LIMS2: variants seen among roughly 807,000 people sequenced by gnomAD.
The protein encoded by LIMS2 is LIM and senescent cell antigen-like-containing domain protein 2.
In LIMS2, 30 loss-of-function variants were observed where a neutral mutation model predicts 45.3. The observed-to-expected ratio is 0.66, with a 90% CI of 0.50 to 0.90. LIMS2 has a LOEUF of 0.90. LIMS2 is among the 40% of genes least tolerant of loss of function. The probability of loss-of-function intolerance (pLI) is 0.00; values close to 1 mark genes in which losing one functional copy is unlikely to be tolerated. For synonymous variants in LIMS2, 173 were observed against 188.0 expected, an observed-to-expected ratio of 0.92 and a Z score of 0.65; for missense variants, 485 against 468.7, an observed-to-expected ratio of 1.03 and a Z score of -0.32.
In LIMS2 at chr2:127,639,001, T is replaced by G; in HGVS notation, c.*280A>C. 2.3e-6 allele frequency: 1 copy of G among 437,554 alleles called. No individual in the cohort carries two copies. Among genetic ancestry groups the G allele is most frequent in the Non-Finnish European group, 4.1e-6 (1 of 241,992 alleles). 27.1% of individuals were successfully genotyped at this position (437,554 alleles called of 1,614,324 possible). A position where few individuals can be genotyped will look rare whatever the true frequency, so the allele number is the denominator to read the frequency against. ...ATTTGCTCCTGTCCCTGGAGGTCTG[T>G]GGGCGGAAGCTGTGGGCACAGGTGG... On this transcript the variant is annotated 3_prime_UTR_variant, in exon 10 of 10. Transcript: ENST00000355119.
upstream of LIMS2, among the ~76,000 whole-genome samples, chr2:127,679,103 G>A (rs781647093): frequency 7.2e-5 from 11 of 152,090 alleles, no homozygotes; most frequent in East Asian, 7.7e-4. This position sits in a 1 kb window ranked among gnomAD's most constrained non-coding sequence, Gnocchi z 5.3. Flanking sequence ...ACACTGCTGC[G>A]TGCAGAGGCC....
At chr2:127,662,340 T>C (rs1684723971) in intron 1 of LIMS2, among the ~76,000 whole-genome samples, 1 of 152,042 alleles carries the variant, frequency 6.6e-6, no homozygotes, top group Non-Finnish European at 1.5e-5. Flanking sequence ...TAGGCACTAT[T>C]CCAGATGCAG....
Position 127,639,343 on chromosome 2 carries a change from T to A in LIMS2, c.964A>T (p.Lys322Ter), listed in dbSNP as rs775673470. 1.1e-5 allele frequency: 18 copies of A among 1,613,920 alleles called. No homozygotes were observed. Among genetic ancestry groups the A allele is most frequent in the South Asian group, 4.4e-5 (4 of 91,086 alleles). ...FPLELKKRLK[K>*]LSELTSRKAQ... is the part of the protein sequence containing the mutation. ...TTGCGGGAGGTCAGCTCCGACAGCT[T>A]CTTCAGCCGCTTCTTCAGCTCCAGC... The change falls in exon 10 of 10, where the codon AAG becomes TAG. Residue 322 changes from lysine (K) to a stop codon, truncating the protein, a stop_gained. Transcript: ENST00000355119. LOFTEE classifies it high-confidence loss of function.
chr2:127,674,055 G>A lies in LIMS2; in HGVS notation c.11+959C>T, dbSNP rs988007857. 3 of 375,896 alleles carry A rather than the reference G, an allele frequency of 8.0e-6. No homozygotes were observed. The Admixed American group carries it at 1.1e-4, about 14-fold the overall frequency. The allele number at this position is 375,896 out of a possible 1,614,324, so 23.3% of individuals were successfully genotyped here. On this transcript the variant is annotated intron_variant, in intron 1 of 9. Coordinates refer to ENST00000355119, the MANE Select transcript of LIMS2 (RefSeq NM_001161403.3). ...GTTCCTGGGCTGCCCTGAGACCCCA[G>A]GCCACAGCCTTAATGGCGATCACAG...
Position 127,650,128 on chromosome 2 carries a change from T to C in LIMS2, c.359+4296A>G, listed in dbSNP as rs574108799. 5 of 1,499,966 alleles carry C rather than the reference T, an allele frequency of 3.3e-6. No homozygotes were observed. In the South Asian group the frequency reaches 3.5e-5, roughly 11 times the overall value. The allele number at this position is 1,499,966 out of a possible 1,614,324, so 92.9% of individuals were successfully genotyped here. A position where few individuals can be genotyped will look rare whatever the true frequency, so the allele number is the denominator to read the frequency against. ...TCCCAGGGTACAGCCCTTGCTGCCA[T>C]CCTGGGGGCACCCTCCTAAGTGCCA... On this transcript the variant is annotated intron_variant, in intron 4 of 9. Transcript: ENST00000355119.
intron 1 of LIMS2, among the ~76,000 whole-genome samples, chr2:127,673,082 G>A (rs1364668141): frequency 2.6e-5 from 4 of 152,184 alleles, no homozygotes; most frequent in African/African-American, 9.7e-5. Context: ...AGACTGGCCC[G>A]GCCCAATCCC....
intron 4 of LIMS2, among the ~76,000 whole-genome samples, chr2:127,649,355 G>C (rs2105260897): frequency 6.6e-6 from 1 of 152,336 alleles, no homozygotes; most frequent in South Asian, 2.1e-4. Context: ...GGCACAGGCA[G>C]GATGCCAGCT....
chr2:127,654,659 C>G, intron 3 of LIMS2, 115 bp from the exon 4 acceptor site: 1 of 1,538,728 alleles, frequency 6.5e-7, no homozygotes, highest in Non-Finnish European at 8.9e-7. Flanking sequence ...CCATGGGCTC[C>G]CTCGTGGGAT....
rs141178710 is a variant in LIMS2, at chr2:127,651,291, C to T, written c.359+3133G>A. ...CACGGTGGTCTGCCTGCAGCTGTAC[C>T]GGGAGAAGGCCTCCCACCATGCCCT... On this transcript the variant is annotated intron_variant, in intron 4 of 9. Transcript: ENST00000355119. 2.1e-5 allele frequency: 33 copies of T among 1,607,982 alleles called. No individual in the cohort carries two copies. Among genetic ancestry groups the T allele is most frequent in the East Asian group, 4.5e-5 (2 of 44,866 alleles).
In LIMS2 at chr2:127,664,317, C is replaced by T. The variant is rs529824211; in HGVS notation, c.12-6755G>A. 103 of 1,232,786 alleles carry T rather than the reference C, an allele frequency of 8.4e-5. No homozygotes were observed. The highest frequency in any genetic ancestry group is 7.5e-4 in the African/African-American group (48 of 63,932). 76.4% of individuals were successfully genotyped at this position (1,232,786 alleles called of 1,614,324 possible). A position where few individuals can be genotyped will look rare whatever the true frequency, so the allele number is the denominator to read the frequency against. On this transcript the variant is annotated intron_variant, in intron 1 of 9. Coordinates refer to ENST00000355119, the MANE Select transcript of LIMS2 (RefSeq NM_001161403.3). This position sits in a 1 kb window ranked among gnomAD's most constrained non-coding sequence, Gnocchi z 5.5. ...CCCTGGCCACCTACCCCGTGGCTGG[C>T]GGCGGGCTCTGCCGGTGCTGGCGCC...
chr2:127,662,514 C>T (rs1467412791), intron 1 of LIMS2, among the ~76,000 whole-genome samples: 1 of 151,778 alleles, frequency 6.6e-6, no homozygotes, highest in African/African-American at 2.4e-5. Flanking sequence ...AAAAGCCAGC[C>T]CACCATGGGG....
In LIMS2 at chr2:127,671,594, C is replaced by T. The variant is rs796380320; in HGVS notation, c.11+3420G>A. On this transcript the variant is annotated intron_variant, in intron 1 of 9. Transcript: ENST00000355119. The surrounding 1 kb of genome is among the most constrained non-coding windows in gnomAD (Gnocchi z 4.1). ...CTGACTGTTAACTATTCAGGAATTC[C>T]GTAAAGCGTTAATGCCATGTTGGTG... 2.1e-4 allele frequency among the ~76,000 whole-genome samples: 32 copies of T among 152,320 alleles called. No individual in the cohort carries two copies. The highest frequency in any genetic ancestry group is 6.0e-4 in the African/African-American group (25 of 41,574).
At chr2:127,656,316 CT>C (rs1447360445) in intron 2 of LIMS2, among the ~76,000 whole-genome samples, 50 of 152,138 alleles carry the variant, frequency 3.3e-4, no homozygotes, top group Admixed American at 1.3e-4. Context: ...ACTAATTCAG[CT>C]CCTGGTCCCC....
chr2:127,639,994 AGGAGGGCT>A, intron 9 of LIMS2, 68 bp downstream of exon 9: 1 of 1,446,900 alleles, frequency 6.9e-7, no homozygotes, highest in East Asian at 2.3e-5. Flanking sequence ...GCTGGTGTGC[AGGAGGGCT>A]GCTGAGAGGA....
chr2:127,655,780 C>G (rs933860124), intron 2 of LIMS2: 1 of 152,386 alleles, frequency 6.6e-6, no homozygotes, highest in Non-Finnish European at 1.5e-5. Context: ...GGCTCTTGCT[C>G]TGCCAGGCGG....
In LIMS2 at chr2:127,642,907, C is replaced by T. The variant is rs546120076; in HGVS notation, c.509+16G>A. ...CTCCCCGCCCCCACAACTGCAGGGC[C>T]GGGCTGCGCACCTACCCACAGTGGG... On this transcript the variant is annotated intron_variant, in intron 5 of 9. Transcript: ENST00000355119. This position sits in a 1 kb window ranked among gnomAD's most constrained non-coding sequence, Gnocchi z 5.3. 20 of 1,554,366 alleles carry T rather than the reference C, an allele frequency of 1.3e-5. No homozygotes were observed. The highest frequency in any genetic ancestry group is 4.7e-5 in the South Asian group (4 of 84,348).
chr2:127,650,513 T>C (rs1573791853), intron 4 of LIMS2: 4 of 578,440 alleles, frequency 6.9e-6, no homozygotes, highest in African/African-American at 3.7e-5. Context: ...GGTTCTGCGT[T>C]TGCCTTGTGC....
chr2:127,651,519 T>C (rs373243972), intron 4 of LIMS2: 35 of 1,612,580 alleles, frequency 2.2e-5, no homozygotes, highest in Non-Finnish European at 2.9e-5. Context: ...CGTGCTGCAC[T>C]ACCGCAGCCA....
At chr2:127,655,551 T>C (rs1318032695) in intron 2 of LIMS2, 1 of 156,956 alleles carries the variant, frequency 6.4e-6, no homozygotes, top group East Asian at 1.9e-4. Context: ...AGTGTCTTAT[T>C]AGACTAAACT....
Sources: allele counts gnomAD v4.1 joint callset (sites outside exome capture counted in the v4.1 genomes callset), GRCh38; gene constraint gnomAD v4.1.1; non-coding constraint Gnocchi (gnomAD v3.1); transcripts MANE v1.5; gene names NCBI Gene and HGNC (gene_info 2026-07-23, HGNC 2026-07-21).